Variants in GLIS3 observed in about 807,000 individuals in gnomAD.
GLIS3 encodes the protein GLIS family zinc finger 3, also known as zinc finger protein GLIS3.
GLIS3 carries 53 observed loss-of-function variants against 78.6 expected under a neutral mutation model. The ratio of observed to expected loss-of-function variants is 0.67; its 90% CI spans 0.54 to 0.85. The LOEUF (loss-of-function observed/expected upper bound fraction) is 0.85. Among genes scored for constraint, GLIS3 ranks in the 40% least tolerant of loss-of-function variants. The pLI is 0.00. For synonymous variants in GLIS3, 684 were observed against 509.9 expected, an observed-to-expected ratio of 1.34 and a Z score of -4.60; for missense variants, 1,703 against 1,231.1, an observed-to-expected ratio of 1.38 and a Z score of -5.74.
chr9:3,877,752 C>CT (rs1216759178), intron 8 of GLIS3, among the ~76,000 whole-genome samples: 5 of 152,196 alleles, frequency 3.3e-5, no homozygotes, highest in African/African-American at 7.2e-5. Flanking sequence ...ATCCTCACTG[C>CT]TTTGCCTTGC....
intron 2 of GLIS3, among the ~76,000 whole-genome samples, chr9:4,224,845 C>G (rs572615892): frequency 6.6e-6 from 1 of 151,574 alleles, no homozygotes; most frequent in Non-Finnish European, 1.5e-5. Context: ...CTTTTAGTGA[C>G]TTGCACTTTT....
At chr9:3,959,474 A>G (rs929199719) in intron 4 of GLIS3, among the ~76,000 whole-genome samples, 3 of 152,194 alleles carry the variant, frequency 2.0e-5, no homozygotes. Context: ...TCTGACTAGA[A>G]TGCTCCACTG....
intron 8 of GLIS3, among the ~76,000 whole-genome samples, chr9:3,865,376 C>G (rs888105194): frequency 7.2e-5 from 11 of 152,298 alleles, no homozygotes; most frequent in African/African-American, 2.6e-4. Flanking sequence ...CTTTAAAAGA[C>G]TAAGTAGAGG....
intron 6 of GLIS3, chr9:3,900,867 T>C (rs1306569937): frequency 6.6e-6 from 1 of 152,146 alleles, no homozygotes; most frequent in Non-Finnish European, 1.5e-5. Context: ...GTTGAGCCAT[T>C]GTGACCCCTG....
intron 6 of GLIS3, among the ~76,000 whole-genome samples, chr9:3,903,869 C>G (rs1823485204): frequency 6.6e-6 from 1 of 152,062 alleles, no homozygotes; most frequent in Non-Finnish European, 1.5e-5. Flanking sequence ...GAGAAATTAG[C>G]TAAGGATGAA....
Position 3,922,561 on chromosome 9 carries a change from T to C in GLIS3, c.1983+9799A>G, listed in dbSNP as rs554980141. On this transcript the variant is annotated intron_variant, in intron 6 of 10. Transcript: ENST00000381971. Reference sequence around the variant, plus strand: ...CTACTACCTGGCTTATTTATATTTTTTCTACAGGAGGGAGTGGTGAAGGGG... The same window carrying C: ...CTACTACCTGGCTTATTTATATTTTCTCTACAGGAGGGAGTGGTGAAGGGG... Among the ~76,000 whole-genome samples the C allele has an allele frequency of 2.6e-5, 4 of 152,264 alleles. No individual in the cohort carries two copies. In the South Asian group the frequency reaches 8.3e-4, roughly 32 times the overall value.
chr9:4,156,861 G>C (rs955298253), intron 2 of GLIS3, among the ~76,000 whole-genome samples: 1 of 152,130 alleles, frequency 6.6e-6, no homozygotes, highest in Non-Finnish European at 1.5e-5. Context: ...GCTTGCAGTG[G>C]TTCTCAAAGT....
chr9:4,234,062 G>A (rs1378654638), intron 2 of GLIS3, among the ~76,000 whole-genome samples: 1 of 152,194 alleles, frequency 6.6e-6, no homozygotes, highest in Non-Finnish European at 1.5e-5. Context: ...TTAGGCTTTA[G>A]CTTGAGGGAA....
At chr9:4,453,345 C>CAAAAAAAAAAAAAAAA in the GLIS3 span, among the ~76,000 whole-genome samples, 2 of 91,650 alleles carry the variant, frequency 2.2e-5, no homozygotes, top group Admixed American at 1.3e-4. Flanking sequence ...TTCTGCACAG[C>CAAAAAAAAAAAAAAAA]AAAAAAAAAA....
chr9:4,179,334 G>A (rs1221811138), intron 2 of GLIS3, among the ~76,000 whole-genome samples: 1 of 152,146 alleles, frequency 6.6e-6, no homozygotes, highest in African/African-American at 2.4e-5. Context: ...AAATTACTGA[G>A]ACAGCATCTA....
chr9:4,059,492 G>GA (rs989998937), intron 4 of GLIS3, among the ~76,000 whole-genome samples: 2 of 152,134 alleles, frequency 1.3e-5, no homozygotes, highest in Admixed American at 1.3e-4. Flanking sequence ...TTGCTTTGTG[G>GA]AAAAACCACA....
chr9:4,259,390 A>G (rs1825296025), intron 2 of GLIS3, among the ~76,000 whole-genome samples: 1 of 152,104 alleles, frequency 6.6e-6, no homozygotes, highest in African/African-American at 2.4e-5. Flanking sequence ...GATCCTCCCC[A>G]TGAAAAACAC....
chr9:4,258,301 T>C (rs552362020), intron 2 of GLIS3, among the ~76,000 whole-genome samples: 4 of 151,032 alleles, frequency 2.6e-5, no homozygotes, highest in Admixed American at 6.6e-5. Flanking sequence ...CTGAATAAAG[T>C]CTACAGTTTT....
chr9:3,975,475 T>A (rs1423552439), intron 4 of GLIS3, among the ~76,000 whole-genome samples: 2 of 152,202 alleles, frequency 1.3e-5, no homozygotes, highest in African/African-American at 4.8e-5. Context: ...GCGATTTGAC[T>A]TTTTGGAATA....
At chr9:4,489,783 G>A in the GLIS3 span, among the ~76,000 whole-genome samples, 3 of 152,152 alleles carry the variant, frequency 2.0e-5, no homozygotes, top group African/African-American at 7.2e-5. Context: ...CAAGTCCCAA[G>A]GAGCAGAAGT....
At chr9:4,327,898 T>C (rs1414325781) in intron 2 of GLIS3, among the ~76,000 whole-genome samples, 4 of 152,240 alleles carry the variant, frequency 2.6e-5, no homozygotes, top group African/African-American at 9.6e-5. Flanking sequence ...AGTTTCTCAG[T>C]TGAGCTGTCC....
In GLIS3 at chr9:4,125,853, C is replaced by A; in HGVS notation, c.477G>T (p.Gln159His). 1 of 1,614,006 alleles carries A rather than the reference C, an allele frequency of 6.2e-7. No individual in the cohort carries two copies. Among genetic ancestry groups the A allele is most frequent in the Non-Finnish European group, 8.5e-7 (1 of 1,179,930 alleles). The stretch of plus-strand genomic sequence containing the variant: ...CTGGAGGTGAAATGAGTCCCAGTCG[C>A]TGAACCATCATGGGACTGCTGGTGA... ...LVVTSSPMMV[Q>H]RLGLISPPAS... The change falls in exon 3 of 11, where the codon CAG becomes CAT. Residue 159 changes from glutamine to histidine, a missense_variant. Physicochemically the swap from Gln to His is conservative, Grantham distance 24. Transcript: ENST00000381971.
At chr9:3,975,375 T>G (rs1359188694) in intron 4 of GLIS3, among the ~76,000 whole-genome samples, 1 of 152,170 alleles carries the variant, frequency 6.6e-6, no homozygotes, top group African/African-American at 2.4e-5. Context: ...TGAATAACAC[T>G]GTCCAAAGTC....
intron 4 of GLIS3, among the ~76,000 whole-genome samples, chr9:4,115,379 G>A (rs1189390534): frequency 6.6e-6 from 1 of 152,158 alleles, no homozygotes; most frequent in African/African-American, 2.4e-5. Context: ...ACTTGTCAAG[G>A]ATCGTGAGCT....
Sources: allele counts gnomAD v4.1 joint callset (sites outside exome capture counted in the v4.1 genomes callset), GRCh38; gene constraint gnomAD v4.1.1; transcripts MANE v1.5; gene names NCBI Gene and HGNC (gene_info 2026-07-23, HGNC 2026-07-21).